SLC22A25: variants seen among roughly 807,000 people sequenced by gnomAD.
SLC22A25 encodes the protein MGI:2442751, MGI:2385316, MGI:3042283, MGI:3645714, MGI:3605624, MGI:2442750.
Under a neutral mutation model 45.9 loss-of-function variants are expected in SLC22A25, and 44 were observed. That is an observed-to-expected ratio of 0.96 (90% confidence interval 0.75 to 1.23). The LOEUF (loss-of-function observed/expected upper bound fraction) is 1.23. SLC22A25 is among the 50% of genes most tolerant of loss of function. The pLI is 0.00. For missense variants in SLC22A25, 800 were observed against 666.4 expected, an observed-to-expected ratio of 1.20 and a Z score of -2.21; for synonymous variants, 283 against 238.6, an observed-to-expected ratio of 1.19 and a Z score of -1.72.
chr11:63,187,882 C>T (rs1036519994), intron 7 of SLC22A25, among the ~76,000 whole-genome samples: 1 of 152,150 alleles, frequency 6.6e-6, no homozygotes, highest in African/African-American at 2.4e-5. Flanking sequence ...GCCTTGCATC[C>T]CAGGGATGTA....
intron 7 of SLC22A25, among the ~76,000 whole-genome samples, chr11:63,185,160 A>C (rs2088479108): frequency 6.6e-6 from 1 of 152,138 alleles, no homozygotes; most frequent in Non-Finnish European, 1.5e-5. Flanking sequence ...ATTATACTTT[A>C]AGGTTTAGGG....
chr11:63,235,735 C>T (rs959446238), intron 3 of SLC22A25, among the ~76,000 whole-genome samples: 3 of 152,094 alleles, frequency 2.0e-5, no homozygotes, highest in South Asian at 2.1e-4. Context: ...TTTAGAGTTT[C>T]CGGTTTTTCT....
chr11:63,171,653 A>C (rs1293854074), intron 9 of SLC22A25, among the ~76,000 whole-genome samples: 1 of 152,210 alleles, frequency 6.6e-6, no homozygotes, highest in Non-Finnish European at 1.5e-5. Flanking sequence ...ACAAGGAAAT[A>C]AGAGAGGACA....
At chr11:63,185,812 C>T (rs10400396) in intron 7 of SLC22A25, among the ~76,000 whole-genome samples, 51,037 of 145,638 alleles carry the variant, frequency 0.35, 9,174 homozygotes, top group East Asian at 0.56. Context: ...TTTGTTCTTG[C>T]GATAGTTTAC....
rs1021197179 is a variant in SLC22A25 at position 63,202,324 on chromosome 11, G to A, written c.830+14990C>T. On this transcript the variant is annotated intron_variant, in intron 7 of 11. Coordinates refer to ENST00000306494, the MANE Select transcript of SLC22A25 (RefSeq NM_199352.6). ...GAACCATTCACTCCCCTGTAAAGGG[G>A]GCACTGAAGCCAGGGAGTTAAGTGG... Among the ~76,000 whole-genome samples, 12 of 152,132 alleles carry A rather than the reference G, an allele frequency of 7.9e-5. No individual in the cohort carries two copies. In the South Asian group the frequency reaches 2.5e-3, roughly 32 times the overall value.
Position 63,183,691 on chromosome 11 carries a change from T to A in SLC22A25, c.954+3A>T. The A allele has an allele frequency of 6.2e-7, 1 of 1,612,758 alleles. No individual in the cohort carries two copies. The highest frequency in any genetic ancestry group is 8.5e-7 in the Non-Finnish European group (1 of 1,179,036). On this transcript the variant is annotated splice_donor_region_variant and intron_variant, in intron 8 of 11. Coordinates refer to ENST00000306494, the MANE Select transcript of SLC22A25 (RefSeq NM_199352.6). The stretch of plus-strand genomic sequence containing the variant: ...TCCCATATCCAGCTCCCGTCTTGCT[T>A]ACCTCCATGGTTAGGATGTCTTCAG...
intron 7 of SLC22A25, among the ~76,000 whole-genome samples, chr11:63,189,715 C>G (rs1039545011): frequency 2.6e-5 from 4 of 152,180 alleles, no homozygotes; most frequent in African/African-American, 9.7e-5. Context: ...GTGCTTCCTT[C>G]AGGAGCTCTT....
At chr11:63,237,827 G>T (rs2090189242) in intron 3 of SLC22A25, 54 bp downstream of exon 3, 1 of 152,128 alleles carries the variant, frequency 6.6e-6, no homozygotes, top group Non-Finnish European at 1.5e-5. Context: ...AGTGTGATTT[G>T]CAATAAATAT....
Position 63,233,095 on chromosome 11 carries a change from C to T in SLC22A25, c.-444-2999G>A, listed in dbSNP as rs7111709. Among the ~76,000 whole-genome samples the T allele has an allele frequency of 1.4e-3, 219 of 152,174 alleles. 1 individual carries two copies. Among genetic ancestry groups the T allele is most frequent in the African/African-American group, 5.0e-3 (208 of 41,528 alleles). On this transcript the variant is annotated intron_variant, in intron 3 of 11. Coordinates refer to ENST00000306494, the MANE Select transcript of SLC22A25 (RefSeq NM_199352.6). ...ATCAAGGATATTGGTCTAAAATTCT[C>T]TTTTTCTGTTGTGTCTCTGCCTGGC...
At chr11:63,182,691 C>T (rs1225355579) in intron 8 of SLC22A25, among the ~76,000 whole-genome samples, 5 of 151,932 alleles carry the variant, frequency 3.3e-5, no homozygotes, top group Non-Finnish European at 5.9e-5. Context: ...TTCTGTTGAA[C>T]GTTAACTCAC....
intron 7 of SLC22A25, among the ~76,000 whole-genome samples, chr11:63,191,695 C>A (rs1243031522): frequency 6.6e-6 from 1 of 152,046 alleles, no homozygotes; most frequent in African/African-American, 2.4e-5. Flanking sequence ...CTCCACCCCC[C>A]CAATCACAAA....
At chr11:63,204,806 C>G (rs886831273) in intron 7 of SLC22A25, among the ~76,000 whole-genome samples, 1 of 152,102 alleles carries the variant, frequency 6.6e-6, no homozygotes, top group Admixed American at 6.6e-5. Context: ...CTGCACCAAG[C>G]CAACCTAATA....
At chr11:63,219,466 T>G (rs2089799692) in intron 5 of SLC22A25, among the ~76,000 whole-genome samples, 1 of 152,190 alleles carries the variant, frequency 6.6e-6, no homozygotes, top group Admixed American at 6.5e-5. Flanking sequence ...TATTCATCCA[T>G]GTTATGGTAC....
intron 7 of SLC22A25, among the ~76,000 whole-genome samples, chr11:63,195,437 A>C (rs1200771213): frequency 6.6e-6 from 1 of 152,222 alleles, no homozygotes; most frequent in African/African-American, 2.4e-5. Flanking sequence ...ATTAGAACTC[A>C]GGATTAAGAA....
chr11:63,192,568 A>T (rs1360994833), intron 7 of SLC22A25, among the ~76,000 whole-genome samples: 1 of 152,188 alleles, frequency 6.6e-6, no homozygotes, highest in Non-Finnish European at 1.5e-5. Context: ...AACAAGACCC[A>T]TTGGTGTGCT....
rs191855983 is a variant in SLC22A25, at chr11:63,169,157, C to G, written c.1071-2899G>C. ...CACCAGCAGGCCTGCCTTACAAGAG[C>G]TCCTGAAGGAAGCACTAAATATGGG... On this transcript the variant is annotated intron_variant, in intron 9 of 11. Transcript: ENST00000306494. 2.0e-3 allele frequency among the ~76,000 whole-genome samples: 312 copies of G among 152,290 alleles called. 6 individuals are homozygous for G. The highest frequency in any genetic ancestry group is 6.3e-3 in the African/African-American group (262 of 41,570).
rs1407047957 is a variant in SLC22A25, at chr11:63,217,407, A to G, written c.737T>C (p.Ile246Thr). 3 of 1,614,080 alleles carry G rather than the reference A, an allele frequency of 1.9e-6. No homozygotes were observed. Among genetic ancestry groups the G allele is most frequent in the Non-Finnish European group, 2.5e-6 (3 of 1,180,006 alleles). The change falls in exon 7 of 12, where the codon ATA becomes ACA. Residue 246 changes from isoleucine (I) to threonine (T), a missense_variant. Ile to Thr is a moderately conservative substitution (Grantham distance 89). Coordinates refer to ENST00000306494, the MANE Select transcript of SLC22A25 (RefSeq NM_199352.6). ...LTLCAASIGH[I>T]TLGSLAFVIR... ...GACAAAAGCCAGGCTTCCCAGGGTT[A>G]TATGTCCAATACTAGCAGCACAAAG...
At chr11:63,235,237 G>T (rs557410632) in intron 3 of SLC22A25, among the ~76,000 whole-genome samples, 1 of 152,310 alleles carries the variant, frequency 6.6e-6, no homozygotes, top group Admixed American at 6.5e-5. Flanking sequence ...CCTGCAGAGT[G>T]TTTTCCAACT....
Position 63,229,503 on chromosome 11 carries a change from C to T in SLC22A25, c.150G>A (p.Trp50Ter). 4 of 1,614,072 alleles carry T rather than the reference C, an allele frequency of 2.5e-6. No individual in the cohort carries two copies. Among genetic ancestry groups the T allele is most frequent in the Non-Finnish European group, 3.4e-6 (4 of 1,179,982 alleles). The change falls in exon 4 of 12, where the codon TGG (tryptophan) becomes TGA (stop). Residue 50 changes from tryptophan to a stop codon, truncating the protein, a stop_gained. Coordinates refer to ENST00000306494, the MANE Select transcript of SLC22A25 (RefSeq NM_199352.6). LOFTEE classifies it high-confidence loss of function. ...FAAFILDHRC[W>*]VHILDNDTIP... ...TAGTGTCATTGTCCAGTATATGAAC[C>T]CAGCAGCGATGATCAAGTATGAATG...
Sources: gnomAD v4.1 joint callset for allele counts (sites outside exome capture counted in the v4.1 genomes callset) on GRCh38, gnomAD v4.1.1 for gene constraint, MANE v1.5 for transcripts, NCBI Gene and HGNC (gene_info 2026-07-23, HGNC 2026-07-21) for gene names.